CDH13: variants seen among roughly 807,000 people sequenced by gnomAD.
CDH13 encodes cadherin 13, also known as cadherin-13.
CDH13 carries 24 observed loss-of-function variants against 63.8 expected under a neutral mutation model. The observed-to-expected ratio is 0.38, with a 90% CI of 0.27 to 0.53. The LOEUF (loss-of-function observed/expected upper bound fraction) is 0.53, where lower values mean the gene tolerates loss of function less well. Ranked by LOEUF, CDH13 falls within the 20% of genes least tolerant of loss-of-function variation. CDH13 has a pLI of 0.85. For synonymous variants in CDH13, 503 were observed against 355.3 expected (o/e 1.42, Z -4.67); for missense variants, 1,049 against 903.1 (o/e 1.16, Z -2.07).
At chr16:83,267,151 T>A (rs1044236676) in intron 5 of CDH13, among the ~76,000 whole-genome samples, 3 of 152,172 alleles carry the variant, frequency 2.0e-5, no homozygotes, top group African/African-American at 7.2e-5. Context: ...ACAGAATGCC[T>A]TCAGAAGCAA....
chr16:82,890,808 C>G (rs181440489), intron 2 of CDH13, among the ~76,000 whole-genome samples: 79 of 152,166 alleles, frequency 5.2e-4, no homozygotes, highest in African/African-American at 1.8e-3. Flanking sequence ...TGCACCACCA[C>G]GCCCAGCTAA....
Position 83,564,762 on chromosome 16 carries a change from C to G in CDH13, c.961-37692C>G, listed in dbSNP as rs144438907. ...AGGTAAGAATAATGACTGATACATTCAGGGATCAGGGATAGTCTGTGCAGA... is the reference window on the plus strand; with the variant it reads ...AGGTAAGAATAATGACTGATACATTGAGGGATCAGGGATAGTCTGTGCAGA... On this transcript the variant is annotated intron_variant, in intron 7 of 13. Coordinates refer to ENST00000567109, the MANE Select transcript of CDH13 (RefSeq NM_001257.5). 4.6e-3 allele frequency among the ~76,000 whole-genome samples: 706 copies of G among 152,244 alleles called. 6 individuals are homozygous for G. Among genetic ancestry groups the G allele is most frequent in the African/African-American group, 0.016 (666 of 41,548 alleles).
At chr16:83,551,644 C>G (rs1373133958) in intron 7 of CDH13, among the ~76,000 whole-genome samples, 1 of 152,092 alleles carries the variant, frequency 6.6e-6, no homozygotes, top group East Asian at 1.9e-4. Context: ...TTTTTCCTAG[C>G]AAAACACTGT....
chr16:83,142,035 C>T (rs567968851), intron 4 of CDH13, among the ~76,000 whole-genome samples: 1 of 152,184 alleles, frequency 6.6e-6, no homozygotes, highest in Non-Finnish European at 1.5e-5. Flanking sequence ...ACAAGTTTCC[C>T]ACCTGTGTAT....
At chr16:83,774,520 G>A (rs1308245542) in intron 11 of CDH13, among the ~76,000 whole-genome samples, 2 of 152,018 alleles carry the variant, frequency 1.3e-5, no homozygotes, top group African/African-American at 2.4e-5. Flanking sequence ...TTACAGGCAC[G>A]TGCCATCATG....
intron 1 of CDH13, among the ~76,000 whole-genome samples, chr16:82,628,261 C>G (rs1206527853): frequency 1.3e-5 from 2 of 152,124 alleles, no homozygotes; most frequent in Non-Finnish European, 2.9e-5. Context: ...AGAGCCAGGG[C>G]AGGGCAGGGC....
intron 4 of CDH13, among the ~76,000 whole-genome samples, chr16:83,165,887 C>G (rs2037642731): frequency 6.6e-6 from 1 of 152,036 alleles, no homozygotes; most frequent in South Asian, 2.1e-4. Context: ...CACAATCGCT[C>G]TGTAGGACCC....
intron 1 of CDH13, among the ~76,000 whole-genome samples, chr16:82,682,519 A>T (rs940004757): frequency 1.3e-5 from 2 of 152,210 alleles, no homozygotes; most frequent in African/African-American, 4.8e-5. Context: ...CTTTCTCTTA[A>T]ACTGATGGGA....
intron 6 of CDH13, among the ~76,000 whole-genome samples, chr16:83,352,971 A>C (rs1426306808): frequency 6.6e-6 from 1 of 152,250 alleles, no homozygotes; most frequent in Non-Finnish European, 1.5e-5. Context: ...GAAATAACTC[A>C]GAAAGTCAAA....
chr16:83,514,646 A>G (rs1184819181), intron 7 of CDH13, among the ~76,000 whole-genome samples: 1 of 152,182 alleles, frequency 6.6e-6, no homozygotes. Flanking sequence ...CTCCATCTCA[A>G]AATTAAAAAG....
At chr16:83,217,933 T>C (rs1170229989) in intron 5 of CDH13, among the ~76,000 whole-genome samples, 9 of 152,174 alleles carry the variant, frequency 5.9e-5, no homozygotes, top group Admixed American at 5.9e-4. Flanking sequence ...TTATGGCAGA[T>C]TTTGCAAGGC....
intron 2 of CDH13, among the ~76,000 whole-genome samples, chr16:82,959,774 C>G (rs927165970): frequency 6.6e-5 from 10 of 152,142 alleles, no homozygotes; most frequent in Non-Finnish European, 1.3e-4. Context: ...CATGGATGTA[C>G]CACACGGTTG....
intron 2 of CDH13, among the ~76,000 whole-genome samples, chr16:82,905,644 G>A (rs1378166764): frequency 6.6e-6 from 1 of 151,992 alleles, no homozygotes; most frequent in Non-Finnish European, 1.5e-5. Context: ...TTTTCTAGTA[G>A]GTGCATCAAA....
intron 3 of CDH13, among the ~76,000 whole-genome samples, chr16:83,059,908 C>T (rs1319064544): frequency 1.3e-5 from 2 of 151,092 alleles, no homozygotes; most frequent in Non-Finnish European, 2.9e-5. Flanking sequence ...ATTCTCCTGC[C>T]TCAGCCTCCC....
At chr16:83,528,945 A>G (rs1314832870) in intron 7 of CDH13, among the ~76,000 whole-genome samples, 1 of 152,210 alleles carries the variant, frequency 6.6e-6, no homozygotes, top group Non-Finnish European at 1.5e-5. Flanking sequence ...GGTCCTGCTC[A>G]GTTACTAATG....
At chr16:83,076,697 A>C (rs1241626657) in intron 3 of CDH13, among the ~76,000 whole-genome samples, 1 of 152,096 alleles carries the variant, frequency 6.6e-6, no homozygotes, top group East Asian at 1.9e-4. Context: ...TGCATTTCAA[A>C]GTAAGCAACA....
At chr16:83,427,821 G>C (rs2071959105) in intron 6 of CDH13, among the ~76,000 whole-genome samples, 1 of 152,190 alleles carries the variant, frequency 6.6e-6, no homozygotes, top group Admixed American at 6.5e-5. Context: ...GTAACAATGT[G>C]AGCTTCTGTT....
At chr16:83,473,172 C>A (rs2073504684) in intron 6 of CDH13, among the ~76,000 whole-genome samples, 1 of 152,218 alleles carries the variant, frequency 6.6e-6, no homozygotes, top group African/African-American at 2.4e-5. Context: ...TTTCCATAGA[C>A]TCATAAAGCA....
chr16:83,040,749 G>A (rs1335969359), intron 3 of CDH13, among the ~76,000 whole-genome samples: 1 of 152,150 alleles, frequency 6.6e-6, no homozygotes, highest in Non-Finnish European at 1.5e-5. Flanking sequence ...CAATCGAGTT[G>A]ACAATCAATA....
Sources: gnomAD v4.1 joint callset for allele counts (sites outside exome capture counted in the v4.1 genomes callset) on GRCh38, gnomAD v4.1.1 for gene constraint, MANE v1.5 for transcripts, NCBI Gene and HGNC (gene_info 2026-07-23, HGNC 2026-07-21) for gene names.